ARMH3: variants seen among roughly 807,000 people sequenced by gnomAD.
ARMH3 encodes armadillo-like helical domain-containing protein 3.
In ARMH3, 60 loss-of-function variants were observed where a neutral mutation model predicts 99.1. The ratio of observed to expected loss-of-function variants is 0.61; its 90% CI spans 0.49 to 0.75. ARMH3 has a LOEUF of 0.75. Ranked by LOEUF, ARMH3 falls within the 30% of genes least tolerant of loss-of-function variation. The pLI is 0.00. For synonymous variants in ARMH3, 285 were observed against 292.8 expected (o/e 0.97, Z 0.27); for missense variants, 679 against 843.1 (o/e 0.81, Z 2.41).
intron 13 of ARMH3, 60 bp from the exon 14 acceptor site, chr10:102,006,693 G>A: frequency 6.7e-7 from 1 of 1,498,786 alleles, no homozygotes; most frequent in Non-Finnish European, 9.3e-7. Context: ...TGAGTATCAA[G>A]TGCCTAATAC....
intron 1 of ARMH3, among the ~76,000 whole-genome samples, chr10:102,044,018 G>T (rs998637016): frequency 6.6e-6 from 1 of 151,598 alleles, no homozygotes; most frequent in African/African-American, 2.4e-5. Context: ...CTGGGTTTAA[G>T]TAATTCTTGT....
At chr10:102,031,745 T>C (rs1203140777) in intron 4 of ARMH3, among the ~76,000 whole-genome samples, 1 of 152,200 alleles carries the variant, frequency 6.6e-6, no homozygotes, top group Non-Finnish European at 1.5e-5. Flanking sequence ...ATTCTTCATA[T>C]TCTTTTTTTT....
intron 1 of ARMH3, among the ~76,000 whole-genome samples, chr10:102,051,172 A>G (rs1272383616): frequency 3.3e-5 from 5 of 150,064 alleles, no homozygotes; most frequent in Non-Finnish European, 7.4e-5. Flanking sequence ...AAAAAAAAAA[A>G]AAGAAAGAAA....
At chr10:101,976,179 A>C (rs1162905342) in intron 19 of ARMH3, among the ~76,000 whole-genome samples, 5 of 146,398 alleles carry the variant, frequency 3.4e-5, no homozygotes, top group Non-Finnish European at 7.6e-5. Flanking sequence ...AAAAAAAAAA[A>C]AAAAAAAAAA....
At chr10:102,004,138 T>A (rs1245624416) in intron 14 of ARMH3, among the ~76,000 whole-genome samples, 2 of 152,206 alleles carry the variant, frequency 1.3e-5, no homozygotes, top group Non-Finnish European at 2.9e-5. Context: ...GGCTGAGTTG[T>A]CAAATGTCAA....
At chr10:102,050,808 G>A (rs998902146) in intron 1 of ARMH3, among the ~76,000 whole-genome samples, 2 of 147,474 alleles carry the variant, frequency 1.4e-5, no homozygotes, top group African/African-American at 5.0e-5. Flanking sequence ...GCTGAGCTGA[G>A]ATCACGCCAC....
At chr10:101,906,494 G>T (rs1477721840) in intron 23 of ARMH3, among the ~76,000 whole-genome samples, 1 of 152,226 alleles carries the variant, frequency 6.6e-6, no homozygotes, top group Non-Finnish European at 1.5e-5. Flanking sequence ...TAACATGAGA[G>T]ATTATGAGAC....
chr10:101,955,850 C>T (rs181314855), intron 22 of ARMH3, among the ~76,000 whole-genome samples: 1 of 152,254 alleles, frequency 6.6e-6, no homozygotes, highest in Admixed American at 6.5e-5. Flanking sequence ...GTTTCACATA[C>T]GTACACATAT....
chr10:102,004,554 T>A (rs914942853), intron 14 of ARMH3, among the ~76,000 whole-genome samples: 1 of 152,150 alleles, frequency 6.6e-6, no homozygotes, highest in East Asian at 1.9e-4. Flanking sequence ...ATCAAGTGTG[T>A]GGGTGGAAGT....
intron 21 of ARMH3, among the ~76,000 whole-genome samples, chr10:101,957,102 T>C (rs1431762355): frequency 1.3e-5 from 2 of 152,216 alleles, no homozygotes; most frequent in African/African-American, 4.8e-5. Context: ...TAGCTTGAAA[T>C]TGGCCATGGT....
At chr10:102,018,465 C>G (rs1188763822) in intron 8 of ARMH3, among the ~76,000 whole-genome samples, 1 of 152,144 alleles carries the variant, frequency 6.6e-6, no homozygotes, top group Non-Finnish European at 1.5e-5. Context: ...TGATGTGCTG[C>G]ATAAGGACAT....
intron 20 of ARMH3, among the ~76,000 whole-genome samples, chr10:101,970,758 G>A (rs958293567): frequency 2.6e-5 from 4 of 151,906 alleles, no homozygotes; most frequent in African/African-American, 7.3e-5. Context: ...CCAGGAGGTC[G>A]CGACTACAAT....
At chr10:102,050,321 C>G (rs891546801) in intron 1 of ARMH3, among the ~76,000 whole-genome samples, 4 of 150,882 alleles carry the variant, frequency 2.7e-5, no homozygotes, top group Non-Finnish European at 5.9e-5. Context: ...TGGTGGTGGG[C>G]ACCTGTAGTC....
intron 23 of ARMH3, among the ~76,000 whole-genome samples, chr10:101,910,154 T>C (rs1007976882): frequency 5.3e-5 from 8 of 152,142 alleles, no homozygotes; most frequent in African/African-American, 1.7e-4. Context: ...TCAAAATGCC[T>C]AGTCCTTGGT....
At chr10:102,025,674 TCTCA>T (rs1467460279) in intron 5 of ARMH3, among the ~76,000 whole-genome samples, 1 of 151,980 alleles carries the variant, frequency 6.6e-6, no homozygotes, top group Non-Finnish European at 1.5e-5. Context: ...TGAGACAGAG[TCTCA>T]CTCTGTCTGT....
At chr10:101,988,115 C>T (rs10883702) in intron 19 of ARMH3, among the ~76,000 whole-genome samples, 29,988 of 152,096 alleles carry the variant, frequency 0.2, 3,355 homozygotes, top group East Asian at 0.52. Context: ...TAAACCACTA[C>T]GTCTAGGGTA....
rs973029096 is a variant in ARMH3 at position 101,993,131 on chromosome 10, C to T, written c.1275+407G>A. On this transcript the variant is annotated intron_variant, in intron 17 of 25. Coordinates refer to ENST00000370033, the MANE Select transcript of ARMH3 (RefSeq NM_024541.3). ...AACGAAAATACAAAAATTAGCCGAGCGTGGTGGCAGCCACCTGTAATCCCA... is the reference window on the plus strand; with the variant it reads ...AACGAAAATACAAAAATTAGCCGAGTGTGGTGGCAGCCACCTGTAATCCCA... Among the ~76,000 whole-genome samples, 17 of 151,732 alleles carry T rather than the reference C, an allele frequency of 1.1e-4. No homozygotes were observed. In the South Asian group the frequency reaches 2.9e-3, roughly 26 times the overall value.
At chr10:101,973,654 G>A (rs1267226693) in intron 20 of ARMH3, among the ~76,000 whole-genome samples, 4 of 152,112 alleles carry the variant, frequency 2.6e-5, no homozygotes, top group Non-Finnish European at 1.5e-5. Context: ...AACAGATCAC[G>A]AGAATGAGAG....
intron 1 of ARMH3, among the ~76,000 whole-genome samples, chr10:102,054,890 G>C (rs1253057130): frequency 2.0e-5 from 3 of 151,798 alleles, no homozygotes; most frequent in Non-Finnish European, 4.4e-5. Context: ...CAGCTGCTTG[G>C]GGGGCTGACG....
Sources: allele counts gnomAD v4.1 joint callset (sites outside exome capture counted in the v4.1 genomes callset), GRCh38; gene constraint gnomAD v4.1.1; transcripts MANE v1.5; gene names NCBI Gene and HGNC (gene_info 2026-07-23, HGNC 2026-07-21).